Variants in TTC29 observed in about 807,000 individuals in gnomAD.
TTC29 encodes tetratricopeptide repeat protein 29.
Under a neutral mutation model 58.1 loss-of-function variants are expected in TTC29, and 49 were observed. The observed-to-expected ratio is 0.84, with a 90% confidence interval of 0.67 to 1.07. The LOEUF (loss-of-function observed/expected upper bound fraction) is 1.07, where lower values mean the gene tolerates loss of function less well. TTC29 is among the 50% of genes least tolerant of loss of function. The pLI, the probability that TTC29 is intolerant of heterozygous loss-of-function variation, is 0.00. For synonymous variants in TTC29, 209 were observed against 196.8 expected (o/e 1.06, Z -0.52); for missense variants, 582 against 555.6 (o/e 1.05, Z -0.48).
chr4:146,914,614 A>ATGCTGAATGT (rs1194399250), intron 4 of TTC29, among the ~76,000 whole-genome samples: 1 of 152,190 alleles, frequency 6.6e-6, no homozygotes, highest in African/African-American at 2.4e-5. Context: ...ATTCGTGGAC[A>ATGCTGAATGT]TGCTGAATGT....
At chr4:146,708,342 A>ATG (rs1742193208) in intron 11 of TTC29, among the ~76,000 whole-genome samples, 1 of 27,380 alleles carries the variant, frequency 3.7e-5, no homozygotes. Context: ...ATATATATAT[A>ATG]TATATATATA....
chr4:146,931,697 A>T (rs145493315), intron 4 of TTC29, among the ~76,000 whole-genome samples: 1 of 152,336 alleles, frequency 6.6e-6, no homozygotes, highest in East Asian at 1.9e-4. Context: ...TAGAGCTGGT[A>T]AGCTTAAACA....
At chr4:146,925,439 T>C (rs566393655) in intron 4 of TTC29, among the ~76,000 whole-genome samples, 1 of 152,226 alleles carries the variant, frequency 6.6e-6, no homozygotes, top group African/African-American at 2.4e-5. Flanking sequence ...TTTATCATTA[T>C]AAAATATCAT....
intron 11 of TTC29, among the ~76,000 whole-genome samples, chr4:146,739,758 T>C (rs1744988131): frequency 6.6e-6 from 1 of 152,192 alleles, no homozygotes; most frequent in African/African-American, 2.4e-5. Flanking sequence ...CCAATAAATG[T>C]AGTGCCCTTC....
intron 6 of TTC29, among the ~76,000 whole-genome samples, chr4:146,883,714 G>T (rs1392002760): frequency 6.6e-6 from 1 of 151,896 alleles, no homozygotes; most frequent in Non-Finnish European, 1.5e-5. Context: ...GCAAAGCTTT[G>T]AAAAAAGAAA....
intron 3 of TTC29, among the ~76,000 whole-genome samples, chr4:146,939,203 C>G (rs1212447589): frequency 6.6e-6 from 1 of 152,142 alleles, no homozygotes; most frequent in Non-Finnish European, 1.5e-5. Flanking sequence ...CCCTACAATC[C>G]CAGCATTTGG....
chr4:146,940,290 C>A (rs558931551), intron 2 of TTC29, among the ~76,000 whole-genome samples: 1 of 152,274 alleles, frequency 6.6e-6, no homozygotes, highest in Admixed American at 6.5e-5. Context: ...TTTCCTGTTA[C>A]AATCAATAAT....
At chr4:146,897,861 A>C (rs1444615216) in intron 6 of TTC29, among the ~76,000 whole-genome samples, 1 of 152,216 alleles carries the variant, frequency 6.6e-6, no homozygotes, top group African/African-American at 2.4e-5. Flanking sequence ...AGATAGATTA[A>C]AGACTCAAAG....
chr4:146,931,990 T>G (rs995191989), intron 4 of TTC29, among the ~76,000 whole-genome samples: 2 of 152,176 alleles, frequency 1.3e-5, no homozygotes, highest in Non-Finnish European at 2.9e-5. Context: ...TTCTTTCTGC[T>G]TTTTCTTCTT....
chr4:146,887,080 C>T (rs750947058), intron 6 of TTC29, among the ~76,000 whole-genome samples: 2 of 152,032 alleles, frequency 1.3e-5, no homozygotes, highest in Non-Finnish European at 2.9e-5. Flanking sequence ...TGGGAAGTTG[C>T]TAATCAATGA....
intron 4 of TTC29, among the ~76,000 whole-genome samples, chr4:146,925,169 A>G (rs1734842744): frequency 6.6e-6 from 1 of 152,058 alleles, no homozygotes; most frequent in Admixed American, 6.6e-5. Flanking sequence ...AGTTGAACAT[A>G]ATGTATTCTA....
intron 11 of TTC29, among the ~76,000 whole-genome samples, chr4:146,791,660 T>C (rs1749461132): frequency 6.6e-6 from 1 of 152,144 alleles, no homozygotes; most frequent in Non-Finnish European, 1.5e-5. Context: ...AATCAAAAGG[T>C]AGAAATGATT....
At chr4:146,924,867 G>A (rs937429721) in intron 4 of TTC29, among the ~76,000 whole-genome samples, 1 of 151,584 alleles carries the variant, frequency 6.6e-6, no homozygotes, top group Admixed American at 6.6e-5. Flanking sequence ...TTCCTTTTAA[G>A]CACTGCTTTA....
rs1245222958 is a variant in TTC29, at chr4:146,902,280, T to C, written c.586+1264A>G. 3.9e-5 allele frequency among the ~76,000 whole-genome samples: 6 copies of C among 152,086 alleles called. No individual in the cohort carries two copies. The East Asian group carries it at 1.2e-3, about 29-fold the overall frequency. On this transcript the variant is annotated intron_variant, in intron 6 of 12. Transcript: ENST00000325106. ...TCTGACTGCTGGTGTGTCCTTATTC[T>C]ATCTTCCCACTGCAGTTTCCCAGGG...
chr4:146,837,998 A>T (rs1728621877), intron 8 of TTC29, among the ~76,000 whole-genome samples: 1 of 152,016 alleles, frequency 6.6e-6, no homozygotes, highest in African/African-American at 2.4e-5. Flanking sequence ...TGGCAAAGTC[A>T]GTTCATACAC....
rs150430972 is a variant in TTC29 at position 146,806,297 on chromosome 4, A to G, written c.1102-2612T>C. 1.4e-4 allele frequency among the ~76,000 whole-genome samples: 22 copies of G among 152,378 alleles called. 1 individual carries two copies. Among genetic ancestry groups the G allele is most frequent in the Non-Finnish European group, 2.1e-4 (14 of 68,036 alleles). ...GCAAAAACACCGAATTGTAAAGACC[A>G]TCAACACTATGAAGAAACTGCATCA... On this transcript the variant is annotated intron_variant, in intron 10 of 12. Coordinates refer to ENST00000325106, the MANE Select transcript of TTC29 (RefSeq NM_031956.4).
chr4:146,910,181 G>A (rs1733806192), intron 4 of TTC29, among the ~76,000 whole-genome samples: 1 of 151,802 alleles, frequency 6.6e-6, no homozygotes, highest in Admixed American at 6.6e-5. Context: ...AGTGGAAACA[G>A]CCCAGACCAC....
chr4:146,883,358 A>G (rs6858718), intron 6 of TTC29, among the ~76,000 whole-genome samples: 2,254 of 151,746 alleles, frequency 0.015, 44 homozygotes, highest in African/African-American at 0.051. Flanking sequence ...CCTCACAGAC[A>G]TCCAATAACT....
chr4:146,846,636 G>T lies in TTC29; in HGVS notation c.886-12739C>A, dbSNP rs182730792. ...AATGGTTTCTGGCTCTGCAGAAAAG[G>T]ATCAGGGGGTGTTTTACATTTGTGG... On this transcript the variant is annotated intron_variant, in intron 8 of 12. Transcript: ENST00000325106. Among the ~76,000 whole-genome samples the T allele has an allele frequency of 1.3e-3, 194 of 152,222 alleles. 1 individual carries two copies. Among genetic ancestry groups the T allele is most frequent in the Admixed American group, 2.0e-3 (30 of 15,288 alleles).
Sources: allele counts gnomAD v4.1 joint callset (sites outside exome capture counted in the v4.1 genomes callset), GRCh38; gene constraint gnomAD v4.1.1; transcripts MANE v1.5; gene names NCBI Gene and HGNC (gene_info 2026-07-23, HGNC 2026-07-21).